COL25A1: variants seen among roughly 807,000 people sequenced by gnomAD.
COL25A1 encodes the protein collagen alpha-1(XXV) chain.
Under a neutral mutation model 128.4 loss-of-function variants are expected in COL25A1, and 103 were observed. The observed-to-expected ratio is 0.80, with a 90% CI of 0.68 to 0.94. COL25A1 has a LOEUF of 0.94. Ranked by LOEUF, COL25A1 falls within the 40% of genes least tolerant of loss-of-function variation. The probability of loss-of-function intolerance (pLI) is 0.00; values close to 1 mark genes in which losing one functional copy is unlikely to be tolerated. For missense variants in COL25A1, 745 were observed against 840.0 expected, an observed-to-expected ratio of 0.89 and a Z score of 1.40; for synonymous variants, 279 against 277.2, an observed-to-expected ratio of 1.01 and a Z score of -0.06.
rs1322609053 is a variant in COL25A1 at position 109,065,529 on chromosome 4, A to AGGAC, written c.368-15351_368-15350insGTCC. Among the ~76,000 whole-genome samples the AGGAC allele has an allele frequency of 5.5e-5, 7 of 127,074 alleles. No homozygotes were observed. The East Asian group carries it at 1.7e-3, about 31-fold the overall frequency. The allele number at this position is 127,074 out of a possible 152,430, so 83.4% of individuals were successfully genotyped here. The stretch of plus-strand genomic sequence containing the variant: ...TGGCTTGCAAATACCTTTTTGGTGC[A>AGGAC]GCACGCGCGCGCGCGCGTGTGTGTG... On this transcript the variant is annotated intron_variant, in intron 3 of 37. Coordinates refer to ENST00000399132, the MANE Select transcript of COL25A1 (RefSeq NM_198721.4).
Position 108,868,724 on chromosome 4 carries a change from A to AAAGGAAGGGAGGAAGGAAGG in COL25A1, c.1083+344_1083+363dup, listed in dbSNP as rs1242939401. Among the ~76,000 whole-genome samples the AAAGGAAGGGAGGAAGGAAGG allele has an allele frequency of 1.3e-4, 19 of 143,994 alleles. No homozygotes were observed. The East Asian group carries it at 2.0e-3, about 16-fold the overall frequency. 94.5% of individuals were successfully genotyped at this position (143,994 alleles called of 152,430 possible). ...GGAAGAAAGGAAGGAGGGAAGGAAG[A>AAAGGAAGGGAGGAAGGAAGG]AAGGAAGGGAGGAAGGAAGGAAGGA... On this transcript the variant is annotated intron_variant, in intron 20 of 37. Transcript: ENST00000399132.
Position 109,118,029 on chromosome 4 carries a change from A to G in COL25A1, c.368-67850T>C, listed in dbSNP as rs567919130. ...AAATGTAGAATATAAAATAGAAACA[A>G]AAGAACAAGGACAACAAACAAAAAA... is the stretch of plus-strand genomic sequence containing the variant. On this transcript the variant is annotated intron_variant, in intron 3 of 37. Coordinates refer to ENST00000399132, the MANE Select transcript of COL25A1 (RefSeq NM_198721.4). Among the ~76,000 whole-genome samples the G allele has an allele frequency of 2.0e-5, 3 of 152,130 alleles. No individual in the cohort carries two copies. In the East Asian group the frequency reaches 5.8e-4, roughly 29 times the overall value.
At chr4:109,106,276 G>A (rs531770969) in intron 3 of COL25A1, among the ~76,000 whole-genome samples, 12 of 152,116 alleles carry the variant, frequency 7.9e-5, no homozygotes, top group Non-Finnish European at 1.3e-4. Context: ...ATTTGAGAGC[G>A]ATGAACAGTG....
At chr4:109,208,751 C>T (rs964369814) in intron 3 of COL25A1, among the ~76,000 whole-genome samples, 3 of 151,950 alleles carry the variant, frequency 2.0e-5, no homozygotes, top group Non-Finnish European at 1.5e-5. Flanking sequence ...TATATCTTAC[C>T]AAGTTGAATT....
intron 3 of COL25A1, among the ~76,000 whole-genome samples, chr4:109,147,056 G>A (rs975502091): frequency 6.6e-6 from 1 of 152,192 alleles, no homozygotes; most frequent in South Asian, 2.1e-4. Flanking sequence ...ATGAGAGGAG[G>A]CTTTGGCAAG....
Position 109,271,846 on chromosome 4 carries a change from TTCCTC to T in COL25A1, c.367+28732_367+28736del, listed in dbSNP as rs556268319. Among the ~76,000 whole-genome samples the T allele has an allele frequency of 1.4e-4, 22 of 152,282 alleles. No individual in the cohort carries two copies. In the East Asian group the frequency reaches 3.7e-3, roughly 25 times the overall value. ...TTTTCAAAGAATTTGCAGGAAAAAA[TTCCTC>T]TCAGAATTCTAACAATGTTTTTATT... On this transcript the variant is annotated intron_variant, in intron 3 of 37. Coordinates refer to ENST00000399132, the MANE Select transcript of COL25A1 (RefSeq NM_198721.4).
At chr4:109,074,071 T>G (rs1374842870) in intron 3 of COL25A1, among the ~76,000 whole-genome samples, 1 of 152,138 alleles carries the variant, frequency 6.6e-6, no homozygotes, top group Non-Finnish European at 1.5e-5. Context: ...CTGTTCCACC[T>G]CAGATCATCA....
At chr4:108,917,052 T>A (rs1250823481) in intron 13 of COL25A1, among the ~76,000 whole-genome samples, 1 of 152,160 alleles carries the variant, frequency 6.6e-6, no homozygotes, top group Admixed American at 6.5e-5. Context: ...ATCTATTTAC[T>A]CCCTTAACTC....
chr4:108,809,607 T>C lies in COL25A1; in HGVS notation c.*4320A>G, dbSNP rs949505296. ...AGGCAATTTTATACATTTAAATATTTTGAAATGAAAAAAGTCATTAAAGTG... is the reference window on the plus strand; with the variant it reads ...AGGCAATTTTATACATTTAAATATTCTGAAATGAAAAAAGTCATTAAAGTG... On this transcript the variant is annotated 3_prime_UTR_variant, in exon 38 of 38. Transcript: ENST00000399132. 6.6e-6 allele frequency: 1 copy of C among 152,060 alleles called. No individual in the cohort carries two copies. The highest frequency in any genetic ancestry group is 2.4e-5 in the African/African-American group (1 of 41,440). The allele number at this position is 152,060 out of a possible 1,614,324, so 9.4% of individuals were successfully genotyped here. A position where few individuals can be genotyped will look rare whatever the true frequency, so the allele number is the denominator to read the frequency against.
intron 8 of COL25A1, among the ~76,000 whole-genome samples, chr4:108,973,565 G>A (rs1752125023): frequency 6.6e-6 from 1 of 152,098 alleles, no homozygotes; most frequent in Non-Finnish European, 1.5e-5. Flanking sequence ...TTTTCAACCT[G>A]AAAGTTTTAA....
intron 16 of COL25A1, among the ~76,000 whole-genome samples, chr4:108,890,982 C>T (rs1358119115): frequency 6.6e-6 from 1 of 152,166 alleles, no homozygotes; most frequent in Non-Finnish European, 1.5e-5. Context: ...TCATGTCCAC[C>T]GCAGCTCACT....
chr4:109,029,965 T>C (rs531510339), intron 5 of COL25A1, among the ~76,000 whole-genome samples: 5 of 152,160 alleles, frequency 3.3e-5, no homozygotes, highest in Non-Finnish European at 7.3e-5. Flanking sequence ...CCTAAATCTA[T>C]TCCCTGCTTT....
intron 10 of COL25A1, among the ~76,000 whole-genome samples, chr4:108,939,464 C>A (rs570381645): frequency 2.0e-5 from 3 of 151,966 alleles, no homozygotes; most frequent in Non-Finnish European, 4.4e-5. Flanking sequence ...TTTTAAAGTA[C>A]GCTATATTCT....
At chr4:109,069,553 G>C (rs923741083) in intron 3 of COL25A1, among the ~76,000 whole-genome samples, 6 of 152,108 alleles carry the variant, frequency 3.9e-5, no homozygotes, top group Non-Finnish European at 7.3e-5. Context: ...CTTCAATGTA[G>C]AACATCAGGG....
chr4:109,202,745 TC>T lies in COL25A1; in HGVS notation c.367+97837del, dbSNP rs570084344. ...GATTATCTATCGATCAATTGATCAT[TC>T]TATCTACAGATACATATCTATATTT... On this transcript the variant is annotated intron_variant, in intron 3 of 37. Transcript: ENST00000399132. 1.0e-3 allele frequency among the ~76,000 whole-genome samples: 156 copies of T among 152,332 alleles called. 2 individuals carry two copies. The South Asian group carries it at 0.025, about 24-fold the overall frequency.
chr4:109,195,234 A>G (rs1775932402), intron 3 of COL25A1, among the ~76,000 whole-genome samples: 1 of 152,228 alleles, frequency 6.6e-6, no homozygotes, highest in South Asian at 2.1e-4. Context: ...GAAGAGAAGC[A>G]CATTGAGCAC....
chr4:109,279,294 G>A (rs73838560), intron 3 of COL25A1, among the ~76,000 whole-genome samples: 1,806 of 152,234 alleles, frequency 0.012, 51 homozygotes, highest in African/African-American at 0.04. Context: ...CAGAAAGAAC[G>A]GAATTTTAGG....
Position 109,302,291 on chromosome 4 carries a change from G to A in COL25A1, c.-179C>T. The A allele has an allele frequency of 4.4e-6, 2 of 458,392 alleles. No individual in the cohort carries two copies. Among genetic ancestry groups the A allele is most frequent in the Non-Finnish European group, 7.7e-6 (2 of 260,682 alleles). The allele number at this position is 458,392 out of a possible 1,614,324, so 28.4% of individuals were successfully genotyped here. A position where few individuals can be genotyped will look rare whatever the true frequency, so the allele number is the denominator to read the frequency against. On this transcript the variant is annotated 5_prime_UTR_variant, in exon 1 of 38. Coordinates refer to ENST00000399132, the MANE Select transcript of COL25A1 (RefSeq NM_198721.4). ...TGGGTGGCGGTGGGGTAAAAAGCAA[G>A]ACGAAACCCACCCAGACAGCTCTTC...
intron 3 of COL25A1, among the ~76,000 whole-genome samples, chr4:109,174,761 T>C (rs192710622): frequency 1.3e-3 from 197 of 152,342 alleles, no homozygotes; most frequent in Admixed American, 2.1e-3. Flanking sequence ...TTATTGACTA[T>C]TGAATGCAAA....
Sources: allele counts gnomAD v4.1 joint callset (sites outside exome capture counted in the v4.1 genomes callset), GRCh38; gene constraint gnomAD v4.1.1; transcripts MANE v1.5; gene names NCBI Gene and HGNC (gene_info 2026-07-23, HGNC 2026-07-21).